Variants in KCNIP4 observed in about 807,000 individuals in gnomAD.
KCNIP4 encodes potassium voltage-gated channel interacting protein 4, also known as Kv channel-interacting protein 4.
KCNIP4 carries 12 observed loss-of-function variants against 34.0 expected under a neutral mutation model. The observed-to-expected ratio is 0.35, with a 90% CI of 0.23 to 0.57. The LOEUF is 0.57. Ranked by LOEUF, KCNIP4 falls within the 20% of genes least tolerant of loss-of-function variation. The pLI is 0.83. For missense variants in KCNIP4, 238 were observed against 311.7 expected, an observed-to-expected ratio of 0.76 and a Z score of 1.78; for synonymous variants, 124 against 102.2, an observed-to-expected ratio of 1.21 and a Z score of -1.29.
intron 1 of KCNIP4, among the ~76,000 whole-genome samples, chr4:21,177,592 G>A (rs1242194700): frequency 6.6e-6 from 1 of 152,052 alleles, no homozygotes; most frequent in East Asian, 1.9e-4. Flanking sequence ...CATTCTGGGA[G>A]GCCGAGGCAG....
chr4:21,144,699 T>C (rs911032314), intron 1 of KCNIP4, among the ~76,000 whole-genome samples: 5 of 152,230 alleles, frequency 3.3e-5, no homozygotes, highest in African/African-American at 1.2e-4. Context: ...CTCCTCCTTA[T>C]TTCTTCAGTC....
chr4:20,803,833 A>G (rs1314864686), intron 3 of KCNIP4, among the ~76,000 whole-genome samples: 1 of 152,116 alleles, frequency 6.6e-6, no homozygotes, highest in Non-Finnish European at 1.5e-5. Flanking sequence ...AAAACAACAA[A>G]TTCAATATGG....
intron 1 of KCNIP4, among the ~76,000 whole-genome samples, chr4:21,931,236 CT>C (rs33977693): frequency 0.62 from 91,998 of 148,380 alleles, 28,712 homozygotes; most frequent in East Asian, 0.89. Flanking sequence ...TGAAGCTCAG[CT>C]TTTTTTTTTT....
chr4:21,606,550 G>T (rs1743690825), intron 1 of KCNIP4, among the ~76,000 whole-genome samples: 1 of 152,032 alleles, frequency 6.6e-6, no homozygotes, highest in Non-Finnish European at 1.5e-5. Flanking sequence ...AGTGCTCTAG[G>T]GAGGAGTTAG....
intron 1 of KCNIP4, among the ~76,000 whole-genome samples, chr4:20,917,069 C>T (rs1577362849): frequency 1.5e-5 from 2 of 134,088 alleles, no homozygotes; most frequent in Admixed American, 8.2e-5. Flanking sequence ...GATGGGGTCT[C>T]GCTCTGTTGC....
At chr4:20,924,989 CA>C (rs1729753525) in intron 1 of KCNIP4, among the ~76,000 whole-genome samples, 1 of 151,934 alleles carries the variant, frequency 6.6e-6, no homozygotes, top group African/African-American at 2.4e-5. Flanking sequence ...TTAAAATATG[CA>C]AAAAAGCACT....
intron 1 of KCNIP4, among the ~76,000 whole-genome samples, chr4:21,481,515 T>C (rs921966958): frequency 6.6e-6 from 1 of 152,128 alleles, no homozygotes; most frequent in African/African-American, 2.4e-5. Context: ...GCCCTGGAGT[T>C]TATCTTATCC....
At chr4:20,873,169 C>A (rs1428881493) in intron 2 of KCNIP4, among the ~76,000 whole-genome samples, 1 of 152,128 alleles carries the variant, frequency 6.6e-6, no homozygotes, top group Non-Finnish European at 1.5e-5. Flanking sequence ...GTAGGCAGGG[C>A]AGTCTAGTGG....
At chr4:21,205,871 A>G (rs892919978) in intron 1 of KCNIP4, among the ~76,000 whole-genome samples, 4 of 152,194 alleles carry the variant, frequency 2.6e-5, no homozygotes, top group Non-Finnish European at 5.9e-5. Flanking sequence ...CCTATGGTTA[A>G]TCACTGTACA....
At chr4:21,150,590 G>A (rs1407298381) in intron 1 of KCNIP4, among the ~76,000 whole-genome samples, 1 of 152,148 alleles carries the variant, frequency 6.6e-6, no homozygotes, top group South Asian at 2.1e-4. Context: ...GAGTTTATAA[G>A]CATAAAGGGA....
rs1763606311 is a variant in KCNIP4, at chr4:21,292,734, A to G, written c.62-410025T>C. The stretch of plus-strand genomic sequence containing the variant: ...AACTAAGAAGAAAGCAGTTGGACAC[A>G]ATATCTCTCAACTTCCCATTATGGA... On this transcript the variant is annotated intron_variant, in intron 1 of 8. Coordinates refer to ENST00000382152, the MANE Select transcript of KCNIP4 (RefSeq NM_025221.6). Among the ~76,000 whole-genome samples, 3 of 152,144 alleles carry G rather than the reference A, an allele frequency of 2.0e-5. No individual in the cohort carries two copies. In the South Asian group the frequency reaches 6.2e-4, roughly 32 times the overall value.
chr4:21,340,479 T>C (rs1331119092), intron 1 of KCNIP4, among the ~76,000 whole-genome samples: 1 of 152,158 alleles, frequency 6.6e-6, no homozygotes. Flanking sequence ...TGATTTGTTC[T>C]GATATGTATA....
chr4:21,690,519 C>A (rs567201950), intron 1 of KCNIP4, among the ~76,000 whole-genome samples: 4 of 152,248 alleles, frequency 2.6e-5, no homozygotes, highest in Non-Finnish European at 5.9e-5. Context: ...TCTCCTCTTG[C>A]TTCCTGTCTT....
chr4:21,101,155 CT>C (rs1747907410), intron 1 of KCNIP4, among the ~76,000 whole-genome samples: 1 of 152,088 alleles, frequency 6.6e-6, no homozygotes. Flanking sequence ...TATTATTGCG[CT>C]GTATATGTCC....
chr4:21,361,773 A>G (rs1719252175), intron 1 of KCNIP4, among the ~76,000 whole-genome samples: 1 of 152,032 alleles, frequency 6.6e-6, no homozygotes, highest in Admixed American at 6.6e-5. Context: ...TTGTAATCCT[A>G]GAAAATTTAT....
intron 1 of KCNIP4, among the ~76,000 whole-genome samples, chr4:20,994,712 G>T (rs1737391375): frequency 6.6e-6 from 1 of 152,156 alleles, no homozygotes; most frequent in Admixed American, 6.5e-5. Context: ...AGAAACTACT[G>T]CATAAGTAGA....
intron 1 of KCNIP4, among the ~76,000 whole-genome samples, chr4:21,857,118 C>G (rs754509867): frequency 2.0e-5 from 3 of 152,220 alleles, no homozygotes; most frequent in Non-Finnish European, 2.9e-5. Flanking sequence ...GGCAAGGCTA[C>G]CAGTTCTGCA....
At chr4:20,840,525 A>G (rs1343195103) in intron 3 of KCNIP4, among the ~76,000 whole-genome samples, 3 of 152,124 alleles carry the variant, frequency 2.0e-5, no homozygotes, top group South Asian at 4.2e-4. Flanking sequence ...TGTTAGTCCA[A>G]AATAGGCCCA....
At chr4:21,271,801 A>T (rs1762160967) in intron 1 of KCNIP4, among the ~76,000 whole-genome samples, 1 of 152,166 alleles carries the variant, frequency 6.6e-6, no homozygotes, top group Non-Finnish European at 1.5e-5. Context: ...TTGAAACAGG[A>T]AAGGAAAGTA....
Sources: allele counts gnomAD v4.1 joint callset (sites outside exome capture counted in the v4.1 genomes callset), GRCh38; gene constraint gnomAD v4.1.1; transcripts MANE v1.5; gene names NCBI Gene and HGNC (gene_info 2026-07-23, HGNC 2026-07-21).